Variants in RBFOX3 observed in about 807,000 individuals in gnomAD.
RBFOX3 encodes RNA binding protein fox-1 homolog 3.
RBFOX3 carries 17 observed loss-of-function variants against 48.7 expected under a neutral mutation model. The ratio of observed to expected loss-of-function variants is 0.35; its 90% CI spans 0.24 to 0.52. The LOEUF is 0.52. Among genes scored for constraint, RBFOX3 ranks in the 20% least tolerant of loss-of-function variants. The pLI is 0.94. For synonymous variants in RBFOX3, 212 were observed against 209.5 expected, an observed-to-expected ratio of 1.01 and a Z score of -0.10; for missense variants, 382 against 497.5, an observed-to-expected ratio of 0.77 and a Z score of 2.21.
At chr17:79,270,050 A>T (rs1268714262) in intron 3 of RBFOX3, among the ~76,000 whole-genome samples, 4 of 144,024 alleles carry the variant, frequency 2.8e-5, no homozygotes, top group African/African-American at 1.0e-4. Flanking sequence ...TCTGCGAATC[A>T]CTCCCTTCCT....
chr17:79,207,912 A>G (rs1445787918), intron 4 of RBFOX3, among the ~76,000 whole-genome samples: 3 of 152,184 alleles, frequency 2.0e-5, no homozygotes, highest in Non-Finnish European at 2.9e-5. Flanking sequence ...CTTTAGCTAT[A>G]CAATTAATCA....
chr17:79,556,442 T>G (rs2091766508), intron 1 of RBFOX3, among the ~76,000 whole-genome samples: 1 of 152,138 alleles, frequency 6.6e-6, no homozygotes, highest in African/African-American at 2.4e-5. Context: ...GAAACAGGGT[T>G]GATGGAGGTA....
At chr17:79,175,945 A>G (rs1047353090) in intron 4 of RBFOX3, among the ~76,000 whole-genome samples, 6 of 152,150 alleles carry the variant, frequency 3.9e-5, no homozygotes, top group African/African-American at 1.4e-4. Context: ...GGGGGCTCGC[A>G]TACACCCTCA....
chr17:79,464,943 C>T (rs1469984946), intron 2 of RBFOX3, among the ~76,000 whole-genome samples: 4 of 152,228 alleles, frequency 2.6e-5, no homozygotes. Context: ...GGGTGAGGCT[C>T]GGCAAGTTAG....
At chr17:79,595,185 G>A (rs2093535590) in intron 1 of RBFOX3, among the ~76,000 whole-genome samples, 1 of 151,818 alleles carries the variant, frequency 6.6e-6, no homozygotes, top group Non-Finnish European at 1.5e-5. Context: ...GGTGTGCCGA[G>A]GCTGACCATA....
At chr17:79,171,340 C>CA in intron 4 of RBFOX3, among the ~76,000 whole-genome samples, 1 of 152,208 alleles carries the variant, frequency 6.6e-6, no homozygotes, top group South Asian at 2.1e-4. Context: ...CATCTGCGGA[C>CA]AGGGCTGGTG....
chr17:79,548,561 C>T (rs543732137), intron 1 of RBFOX3, among the ~76,000 whole-genome samples: 14 of 152,274 alleles, frequency 9.2e-5, no homozygotes, highest in South Asian at 8.3e-4. Flanking sequence ...TCAGGAGGTC[C>T]GAGAAGTGCA....
chr17:79,186,205 G>A (rs754777432), intron 4 of RBFOX3, among the ~76,000 whole-genome samples: 2 of 152,212 alleles, frequency 1.3e-5, no homozygotes, highest in Admixed American at 6.5e-5. Flanking sequence ...TCCATCAGGC[G>A]GCTCATCACA....
rs1207340252 is a variant in RBFOX3 at position 79,252,169 on chromosome 17, T to C, written c.-73-16364A>G. Among the ~76,000 whole-genome samples, 2 of 152,164 alleles carry C rather than the reference T, an allele frequency of 1.3e-5. No individual in the cohort carries two copies. The highest frequency in any genetic ancestry group is 2.9e-5 in the Non-Finnish European group (2 of 68,028). Reference sequence around the variant, plus strand: ...CTTTGCCTAGTGGGTAACTGGGCATTGCAGGGCCCCTTCTCCTTCCACCCT... The same window carrying C: ...CTTTGCCTAGTGGGTAACTGGGCATCGCAGGGCCCCTTCTCCTTCCACCCT... On this transcript the variant is annotated intron_variant, in intron 3 of 14. Transcript: ENST00000693108. The surrounding 1 kb of genome is among the most constrained non-coding windows in gnomAD (Gnocchi z 4.0).
intron 4 of RBFOX3, among the ~76,000 whole-genome samples, chr17:79,154,035 G>A (rs1428766498): frequency 6.6e-6 from 1 of 152,156 alleles, no homozygotes; most frequent in South Asian, 2.1e-4. Flanking sequence ...TCTGCTGCCT[G>A]AAACCTCTAA....
At chr17:79,169,004 A>T (rs1287457984) in intron 4 of RBFOX3, among the ~76,000 whole-genome samples, 4 of 152,160 alleles carry the variant, frequency 2.6e-5, no homozygotes, top group Non-Finnish European at 5.9e-5. Context: ...CCAGCACCCC[A>T]AACACGCACA....
chr17:79,664,179 CTTT>C, the RBFOX3 span, among the ~76,000 whole-genome samples: 1 of 145,672 alleles, frequency 6.9e-6, no homozygotes, highest in Admixed American at 6.8e-5. Flanking sequence ...CCATTCTTAC[CTTT>C]TTTTTTTTTT....
chr17:79,478,565 G>T (rs1204314347), intron 2 of RBFOX3, among the ~76,000 whole-genome samples: 1 of 152,226 alleles, frequency 6.6e-6, no homozygotes, highest in Non-Finnish European at 1.5e-5. Context: ...GAGACAACCG[G>T]CCACATTCCT....
chr17:79,423,307 G>A lies in RBFOX3; in HGVS notation c.-175+59147C>T, dbSNP rs116905688. ...TGACCGTCCTCGCCACGCCCCCATC[G>A]ACCAGGATGCCAGGAGCCAGGATGA... On this transcript the variant is annotated intron_variant, in intron 2 of 14. Transcript: ENST00000693108. This position sits in a 1 kb window ranked among gnomAD's most constrained non-coding sequence, Gnocchi z 4.9. 6.6e-6 allele frequency among the ~76,000 whole-genome samples: 1 copy of A among 152,200 alleles called. No individual in the cohort carries two copies. Among genetic ancestry groups the A allele is most frequent in the Non-Finnish European group, 1.5e-5 (1 of 68,020 alleles).
chr17:79,197,016 T>C (rs376599639), intron 4 of RBFOX3, among the ~76,000 whole-genome samples: 1 of 152,112 alleles, frequency 6.6e-6, no homozygotes, highest in South Asian at 2.1e-4. Context: ...AACAGGGAAG[T>C]AGTAGGCACT....
chr17:79,609,519 TAA>T (rs1350664827), intron 1 of RBFOX3, among the ~76,000 whole-genome samples: 1 of 152,132 alleles, frequency 6.6e-6, no homozygotes, highest in Non-Finnish European at 1.5e-5. Context: ...GACTCCTTTT[TAA>T]AAGTGATCAT....
chr17:79,603,354 T>C (rs973363180), intron 1 of RBFOX3, among the ~76,000 whole-genome samples: 2 of 152,156 alleles, frequency 1.3e-5, no homozygotes, highest in Non-Finnish European at 2.9e-5. Context: ...ACCGGGCCCA[T>C]TGAGGGGACA....
At chr17:79,555,780 A>AATGGCGATGATGGTGGTG (rs2091696412) in intron 1 of RBFOX3, among the ~76,000 whole-genome samples, 1 of 150,224 alleles carries the variant, frequency 6.7e-6, no homozygotes, top group African/African-American at 2.5e-5. Flanking sequence ...TAATGGTGAT[A>AATGGCGATGATGGTGGTG]ATGGCAGTGA....
At chr17:79,653,910 C>G in the RBFOX3 span, among the ~76,000 whole-genome samples, 1 of 138,372 alleles carries the variant, frequency 7.2e-6, no homozygotes, top group Admixed American at 7.0e-5. Flanking sequence ...AAAGTTAATT[C>G]AGCTTTTTAA....
Sources: gnomAD v4.1 joint callset for allele counts (sites outside exome capture counted in the v4.1 genomes callset) on GRCh38, gnomAD v4.1.1 for gene constraint, Gnocchi (gnomAD v3.1) non-coding constraint, MANE v1.5 for transcripts, NCBI Gene and HGNC (gene_info 2026-07-23, HGNC 2026-07-21) for gene names.